MRPS18C: variants seen among roughly 807,000 people sequenced by gnomAD.
MRPS18C encodes mitochondrial ribosomal protein S18C.
In MRPS18C, 21 loss-of-function variants were observed where a neutral mutation model predicts 21.0. The observed-to-expected ratio is 1.00, with a 90% CI of 0.71 to 1.44. MRPS18C has a LOEUF of 1.44. Ranked by LOEUF, MRPS18C falls within the 40% of genes most tolerant of loss-of-function variation. MRPS18C has a pLI of 0.00. For synonymous variants in MRPS18C, 65 were observed against 54.3 expected (o/e 1.20, Z -0.87); for missense variants, 152 against 171.5 (o/e 0.89, Z 0.64).
rs1722147946 is a variant in MRPS18C, at chr4:83,462,286, G to C, written c.*1089G>C. 3.5e-6 allele frequency: 2 copies of C among 575,742 alleles called. No individual in the cohort carries two copies. The highest frequency in any genetic ancestry group is 6.0e-6 in the Non-Finnish European group (2 of 332,288). The allele number at this position is 575,742 out of a possible 1,614,324, so 35.7% of individuals were successfully genotyped here. A position where few individuals can be genotyped will look rare whatever the true frequency, so the allele number is the denominator to read the frequency against. On this transcript the variant is annotated 3_prime_UTR_variant, in exon 6 of 6. Coordinates refer to ENST00000295491, the MANE Select transcript of MRPS18C (RefSeq NM_016067.4). ...AAAAGGTTTGGAAATAAAAGCATCT[G>C]ATGTTTGAAAAAGTACTTTGTGAAG... is the stretch of plus-strand genomic sequence containing the variant.
In MRPS18C at chr4:83,458,451, C is replaced by A. The variant is rs375984762; in HGVS notation, c.234+22C>A. 40 of 1,535,242 alleles carry A rather than the reference C, an allele frequency of 2.6e-5. No individual in the cohort carries two copies. In the African/African-American group the frequency reaches 4.9e-4, roughly 19 times the overall value. On this transcript the variant is annotated intron_variant, in intron 3 of 5. Coordinates refer to ENST00000295491, the MANE Select transcript of MRPS18C (RefSeq NM_016067.4). ...ACAGGTGAGATCTGGTTTTACTTCACTATATTTTAGGGTTTTGCTTCTGAT... is the reference window on the plus strand; with the variant it reads ...ACAGGTGAGATCTGGTTTTACTTCAATATATTTTAGGGTTTTGCTTCTGAT...
At chr4:83,456,268 TCTG>T in intron 1 of MRPS18C, 91 bp downstream of exon 1, 1 of 1,126,348 alleles carries the variant, frequency 8.9e-7, no homozygotes, top group South Asian at 1.3e-5. Context: ...GCAAAACGAC[TCTG>T]GTTTCTAGGC....
In MRPS18C at chr4:83,459,745, G is replaced by A; in HGVS notation, c.240G>A (p.Leu80=). ...KHVDYKNVQL[L]SQFVSPFTGC... Reference sequence around the variant, plus strand: ...CACATAAAACTCCAAAACAGCTTTTGTCCCAGTTTGTTTCTCCATTTACTG... The same window carrying A: ...CACATAAAACTCCAAAACAGCTTTTATCCCAGTTTGTTTCTCCATTTACTG... Residue 80 remains leucine (L), a synonymous_variant, in exon 4 of 6, where the codon TTG becomes TTA. Transcript: ENST00000295491. 1 of 1,608,138 alleles carries A rather than the reference G, an allele frequency of 6.2e-7. No individual in the cohort carries two copies.
Position 83,461,931 on chromosome 4 carries a change from C to T in MRPS18C, c.*734C>T, listed in dbSNP as rs529301090. On this transcript the variant is annotated 3_prime_UTR_variant, in exon 6 of 6. Transcript: ENST00000295491. ...TGCAAATTTATTGCATGATATCCAG[C>T]ATTTTATCTGGCAACTCTAGCCATA... is the stretch of plus-strand genomic sequence containing the variant. 9 of 229,504 alleles carry T rather than the reference C, an allele frequency of 3.9e-5. No homozygotes were observed. In the East Asian group the frequency reaches 4.4e-4, roughly 11 times the overall value. 14.2% of individuals were successfully genotyped at this position (229,504 alleles called of 1,614,324 possible).
chr4:83,460,172 T>TA (rs1337356031), intron 4 of MRPS18C: 1 of 154,966 alleles, frequency 6.5e-6, no homozygotes, highest in East Asian at 1.9e-4. Context: ...ACTTTTTTTT[T>TA]TTTTTGAGAT....
chr4:83,460,690 G>A (rs1578120174), intron 4 of MRPS18C: 1 of 332,916 alleles, frequency 3.0e-6, no homozygotes, highest in Non-Finnish European at 5.6e-6. Context: ...GATCACCTGA[G>A]GCCAGGAGTT....
intron 3 of MRPS18C, 174 bp downstream of exon 3, chr4:83,458,603 A>ATCT: frequency 2.1e-6 from 1 of 480,880 alleles, no homozygotes; most frequent in South Asian, 3.1e-5. Context: ...TTATTCAAGT[A>ATCT]AAAGCACCTT....
intron 3 of MRPS18C, 166 bp downstream of exon 3, chr4:83,458,595 A>AC: frequency 2.0e-6 from 1 of 499,464 alleles, no homozygotes; most frequent in Non-Finnish European, 3.4e-6. Context: ...TCTCTGCTTT[A>AC]TTCAAGTAAA....
Position 83,461,245 on chromosome 4 carries a change from T to C in MRPS18C, c.*48T>C, listed in dbSNP as rs781318612. The C allele has an allele frequency of 4.4e-5, 69 of 1,552,828 alleles. No individual in the cohort carries two copies. The highest frequency in any genetic ancestry group is 5.9e-5 in the Non-Finnish European group (67 of 1,127,200). On this transcript the variant is annotated 3_prime_UTR_variant, in exon 6 of 6. Coordinates refer to ENST00000295491, the MANE Select transcript of MRPS18C (RefSeq NM_016067.4). ...AAACTTATTTTACAGTAAGTGGTTG[T>C]ATGATGCCAATACTGACTCAAACCA...
At chr4:83,460,148 C>A in intron 4 of MRPS18C, 1 of 158,420 alleles carries the variant, frequency 6.3e-6, no homozygotes, top group Non-Finnish European at 1.3e-5. Context: ...TTAGGTTCAT[C>A]ATATACAAAT....
chr4:83,457,040 G>A (rs765759792), intron 2 of MRPS18C, 82 bp downstream of exon 2: 21 of 1,164,744 alleles, frequency 1.8e-5, no homozygotes, highest in Non-Finnish European at 2.6e-5. Flanking sequence ...TCTGGTATTA[G>A]ACTCTAACAT....
At chr4:83,458,479 A>G (rs1263400093) in intron 3 of MRPS18C, 50 bp downstream of exon 3, 3 of 1,389,860 alleles carry the variant, frequency 2.2e-6, no homozygotes, top group East Asian at 4.7e-5. Flanking sequence ...CTTCTGATAG[A>G]TCTGCTTAAA....
intron 2 of MRPS18C, chr4:83,457,940 G>A (rs1204826982): frequency 1.6e-5 from 3 of 192,644 alleles, no homozygotes; most frequent in Admixed American, 6.4e-5. Flanking sequence ...CATTATCTGT[G>A]TATAAAAATA....
chr4:83,458,389 G>A lies in MRPS18C; in HGVS notation c.194G>A (p.Cys65Tyr). The A allele has an allele frequency of 1.9e-6, 3 of 1,605,702 alleles. No homozygotes were observed. The highest frequency in any genetic ancestry group is 2.2e-5 in the East Asian group (1 of 44,642). ...CCTTATAAAGAACCTCTTAAGAAAT[G>A]TATCTTGTGTGGAAAGCATGTAGAT... Reference protein sequence around the residue: ...ENPYKEPLKKCILCGKHVDYK... With the variant: ...ENPYKEPLKKYILCGKHVDYK... Residue 65 changes from cysteine to tyrosine, a missense_variant, in exon 3 of 6, where the codon TGT (cysteine) becomes TAT (tyrosine). By Grantham distance (194) the Cys-to-Tyr change is radical. This residue lies in a region of MRPS18C where 118 missense variants were observed against 104.4 expected (regional missense o/e 1.13). Coordinates refer to ENST00000295491, the MANE Select transcript of MRPS18C (RefSeq NM_016067.4).
intron 4 of MRPS18C, chr4:83,460,215 T>C (rs1200212620): frequency 6.5e-6 from 1 of 152,996 alleles, no homozygotes; most frequent in African/African-American, 2.4e-5. Context: ...TGGAGTGCTG[T>C]GGCACAATCT....
intron 2 of MRPS18C, chr4:83,457,908 T>C: frequency 5.7e-6 from 1 of 175,588 alleles, no homozygotes; most frequent in South Asian, 1.3e-4. Flanking sequence ...CAAAGAACCT[T>C]TTATTACAGT....
At chr4:83,458,499 G>A in intron 3 of MRPS18C, 70 bp downstream of exon 3, 1 of 1,229,862 alleles carries the variant, frequency 8.1e-7, no homozygotes, top group Non-Finnish European at 1.1e-6. Flanking sequence ...AGAGAATCAA[G>A]TCAGTTTATA....
chr4:83,462,252 A>C lies in MRPS18C; in HGVS notation c.*1055A>C, dbSNP rs994240131. 11 of 507,774 alleles carry C rather than the reference A, an allele frequency of 2.2e-5. No homozygotes were observed. Among genetic ancestry groups the C allele is most frequent in the Non-Finnish European group, 3.5e-5 (10 of 287,736 alleles). 31.5% of individuals were successfully genotyped at this position (507,774 alleles called of 1,614,324 possible). A position where few individuals can be genotyped will look rare whatever the true frequency, so the allele number is the denominator to read the frequency against. On this transcript the variant is annotated 3_prime_UTR_variant, in exon 6 of 6. Transcript: ENST00000295491. Reference sequence around the variant, plus strand: ...AGCCTTCCCCTCAACAACTTAGTGAAAGGTGAAAAAAAGGTTTGGAAATAA... The same window carrying C: ...AGCCTTCCCCTCAACAACTTAGTGACAGGTGAAAAAAAGGTTTGGAAATAA...
At position 83,458,339 on chromosome 4, in the gene MRPS18C, T is replaced by C. The variant is rs750914629; in HGVS notation, c.151-7T>C. Reference sequence around the variant, plus strand: ...CCTATTATCAGACTTTTCGTTTTTTTCCCTAGCCCATTTCAATGGAAAATC... The same window carrying C: ...CCTATTATCAGACTTTTCGTTTTTTCCCCTAGCCCATTTCAATGGAAAATC... On this transcript the variant is annotated splice_polypyrimidine_tract_variant and splice_region_variant and intron_variant, in intron 2 of 5. Transcript: ENST00000295491. 1.3e-6 allele frequency: 2 copies of C among 1,580,880 alleles called. No homozygotes were observed. Among genetic ancestry groups the C allele is most frequent in the African/African-American group, 1.4e-5 (1 of 73,772 alleles).
Sources: gnomAD v4.1 joint callset for allele counts on GRCh38, gnomAD v4.1.1 for gene constraint, gnomAD v4.1.1 regional missense constraint, MANE v1.5 for transcripts, NCBI Gene and HGNC (gene_info 2026-07-23, HGNC 2026-07-21) for gene names.